FAM107B: variants seen among roughly 807,000 people sequenced by gnomAD.
The protein encoded by FAM107B is protein FAM107B.
A neutral mutation model predicts 31.5 loss-of-function variants in FAM107B; 21 were observed. The observed-to-expected ratio is 0.67, with a 90% CI of 0.47 to 0.96. FAM107B has a LOEUF of 0.96. FAM107B is among the 40% of genes least tolerant of loss of function. The pLI is 0.00. For missense variants in FAM107B, 452 were observed against 377.1 expected, an observed-to-expected ratio of 1.20 and a Z score of -1.64; for synonymous variants, 157 against 141.5, an observed-to-expected ratio of 1.11 and a Z score of -0.78.
chr10:14,728,253 C>T (rs575909142), intron 1 of FAM107B, among the ~76,000 whole-genome samples: 2 of 152,186 alleles, frequency 1.3e-5, no homozygotes, highest in Admixed American at 1.3e-4. Flanking sequence ...AAACTTACTC[C>T]AGTCCATCAA....
At chr10:14,702,359 A>AT (rs1283099880) in intron 1 of FAM107B, among the ~76,000 whole-genome samples, 1 of 151,956 alleles carries the variant, frequency 6.6e-6, no homozygotes, top group Non-Finnish European at 1.5e-5. Flanking sequence ...TTTTATGTTT[A>AT]TTTTATTTTT....
At chr10:14,663,692 C>A (rs1854318336) in intron 2 of FAM107B, among the ~76,000 whole-genome samples, 1 of 152,210 alleles carries the variant, frequency 6.6e-6, no homozygotes, top group East Asian at 1.9e-4. Flanking sequence ...TTCCATCTTT[C>A]AATCACCTAC....
In FAM107B at chr10:14,667,631, T is replaced by G. The variant is rs1036552905; in HGVS notation, c.469+3A>C. 133 of 1,614,070 alleles carry G rather than the reference T, an allele frequency of 8.2e-5. 1 individual carries two copies. Among genetic ancestry groups the G allele is most frequent in the Non-Finnish European group, 1.1e-4 (128 of 1,180,002 alleles). On this transcript the variant is annotated splice_donor_region_variant and intron_variant, in intron 2 of 4. Transcript: ENST00000181796. ...AAAAGGAATCACACAGAATGTACTC[T>G]ACCTGATGTCATTTTCTGCTCCAGC...
chr10:14,672,505 T>G (rs1304091730), intron 1 of FAM107B, among the ~76,000 whole-genome samples: 2 of 152,242 alleles, frequency 1.3e-5, no homozygotes, highest in African/African-American at 4.8e-5. Flanking sequence ...GTGTTGTCAC[T>G]TTACAACATG....
At chr10:14,525,945 T>G (rs2130798664) in intron 3 of FAM107B, among the ~76,000 whole-genome samples, 1 of 152,228 alleles carries the variant, frequency 6.6e-6, no homozygotes, top group African/African-American at 2.4e-5. Flanking sequence ...AACCACTAAA[T>G]ACATTCAAGG....
rs143177211 is a variant in FAM107B at position 14,698,386 on chromosome 10, G to A, written c.412-30695C>T. Among the ~76,000 whole-genome samples the A allele has an allele frequency of 2.0e-3, 301 of 152,322 alleles. 4 individuals are homozygous for A. The highest frequency in any genetic ancestry group is 0.018 in the South Asian group (85 of 4,822). Reference sequence around the variant, plus strand: ...TACTGGCAGGGGTGAACAAAGTTCTGCTAATCCGGGAGGATTCTCTGAATA... The same window carrying A: ...TACTGGCAGGGGTGAACAAAGTTCTACTAATCCGGGAGGATTCTCTGAATA... On this transcript the variant is annotated intron_variant, in intron 1 of 4. Transcript: ENST00000181796.
chr10:14,556,454 C>A (rs941959988), intron 2 of FAM107B: 1 of 976,866 alleles, frequency 1.0e-6, no homozygotes, highest in African/African-American at 1.8e-5. Context: ...AGAGAGCAGC[C>A]CAGGCCACAA....
At chr10:14,685,659 G>T (rs1405560703) in intron 1 of FAM107B, among the ~76,000 whole-genome samples, 1 of 152,086 alleles carries the variant, frequency 6.6e-6, no homozygotes, top group African/African-American at 2.4e-5. Flanking sequence ...AAGGAGGAGA[G>T]GTGTTTCCAG....
chr10:14,664,762 A>G (rs7923154), intron 2 of FAM107B, among the ~76,000 whole-genome samples: 54,083 of 152,122 alleles, frequency 0.36, 9,770 homozygotes, highest in South Asian at 0.46. Context: ...CTATTACAAT[A>G]TCTAGCACAT....
At chr10:14,550,090 C>T (rs1267907394) in intron 2 of FAM107B, among the ~76,000 whole-genome samples, 1 of 152,174 alleles carries the variant, frequency 6.6e-6, no homozygotes, top group African/African-American at 2.4e-5. Context: ...TCGAGAAATA[C>T]CACTTCATTT....
At chr10:14,760,829 T>C (rs1225739353) in intron 1 of FAM107B, among the ~76,000 whole-genome samples, 1 of 151,894 alleles carries the variant, frequency 6.6e-6, no homozygotes, top group Non-Finnish European at 1.5e-5. Context: ...CTGGTCAACA[T>C]GGTGAAACCC....
chr10:14,590,763 C>A (rs900482014), intron 2 of FAM107B, among the ~76,000 whole-genome samples: 4 of 151,708 alleles, frequency 2.6e-5, no homozygotes, highest in Non-Finnish European at 5.9e-5. Context: ...AGGCGGATCA[C>A]CCAAGGTCAG....
intron 1 of FAM107B, among the ~76,000 whole-genome samples, chr10:14,703,558 C>T (rs1035013364): frequency 2.0e-5 from 3 of 152,266 alleles, no homozygotes; most frequent in Non-Finnish European, 4.4e-5. Flanking sequence ...TGGTCTCGAA[C>T]TCCTGGCCTC....
At chr10:14,605,959 T>C (rs1022906689) in intron 2 of FAM107B, among the ~76,000 whole-genome samples, 2 of 151,998 alleles carry the variant, frequency 1.3e-5, no homozygotes, top group Non-Finnish European at 2.9e-5. Flanking sequence ...GTGGCAGGGG[T>C]TTCCTAACTG....
At chr10:14,522,118 T>A in intron 3 of FAM107B, 99 bp from the exon 4 acceptor site, 1 of 1,457,452 alleles carries the variant, frequency 6.9e-7, no homozygotes, top group Non-Finnish European at 9.1e-7. Flanking sequence ...GGAAAAGTGG[T>A]CTACAAAATT....
intron 2 of FAM107B, among the ~76,000 whole-genome samples, chr10:14,603,488 A>C (rs998643187): frequency 6.6e-6 from 1 of 152,132 alleles, no homozygotes; most frequent in African/African-American, 2.4e-5. Flanking sequence ...CAGAGAATGA[A>C]ATCTACAGTT....
intron 1 of FAM107B, among the ~76,000 whole-genome samples, chr10:14,682,426 G>A (rs573883060): frequency 2.0e-5 from 3 of 152,174 alleles, no homozygotes; most frequent in Non-Finnish European, 4.4e-5. Flanking sequence ...CTACTCAGGA[G>A]GCTGAGGCAA....
intron 2 of FAM107B, among the ~76,000 whole-genome samples, chr10:14,631,024 A>G (rs968617520): frequency 2.6e-5 from 4 of 152,320 alleles, no homozygotes; most frequent in African/African-American, 9.6e-5. Context: ...CAGTGAAACA[A>G]TGAATGAAAA....
intron 2 of FAM107B, among the ~76,000 whole-genome samples, chr10:14,539,498 C>A (rs1160319746): frequency 6.6e-6 from 1 of 151,296 alleles, no homozygotes; most frequent in African/African-American, 2.4e-5. Context: ...TAAAAAAAAA[C>A]AAAGCAGTTC....
Sources: allele counts gnomAD v4.1 joint callset (sites outside exome capture counted in the v4.1 genomes callset), GRCh38; gene constraint gnomAD v4.1.1; transcripts MANE v1.5; gene names NCBI Gene and HGNC (gene_info 2026-07-23, HGNC 2026-07-21).